PRORP: variants seen among roughly 807,000 people sequenced by gnomAD.
The protein encoded by PRORP is protein only RNase P catalytic subunit.
A neutral mutation model predicts 59.4 loss-of-function variants in PRORP; 51 were observed. The ratio of observed to expected loss-of-function variants is 0.86; its 90% CI spans 0.69 to 1.08. PRORP has a LOEUF of 1.08. PRORP is among the 50% of genes least tolerant of loss of function. The pLI is 0.00. For missense variants in PRORP, 646 were observed against 690.3 expected, an observed-to-expected ratio of 0.94 and a Z score of 0.72; for synonymous variants, 231 against 245.6, an observed-to-expected ratio of 0.94 and a Z score of 0.55.
intron 4 of PRORP, among the ~76,000 whole-genome samples, chr14:35,137,148 TAAG>T (rs2047393756): frequency 6.9e-6 from 1 of 145,738 alleles, no homozygotes; most frequent in Admixed American, 7.1e-5. Context: ...ACTCTAATTT[TAAG>T]AAGTTTACAT....
chr14:35,188,568 G>T (rs1369874177), intron 5 of PRORP, among the ~76,000 whole-genome samples: 1 of 151,646 alleles, frequency 6.6e-6, no homozygotes, highest in African/African-American at 2.4e-5. Context: ...CCCAGGCTTT[G>T]GATTCTCTTT....
intron 4 of PRORP, among the ~76,000 whole-genome samples, chr14:35,138,399 A>G (rs1285454191): frequency 6.9e-6 from 1 of 145,908 alleles, no homozygotes; most frequent in African/African-American, 2.4e-5. Context: ...ACTATATTAT[A>G]TTCAGCATTT....
chr14:35,164,902 A>C (rs1483242155), intron 4 of PRORP, among the ~76,000 whole-genome samples: 1 of 152,154 alleles, frequency 6.6e-6, no homozygotes, highest in Non-Finnish European at 1.5e-5. Context: ...GGGAGACCAC[A>C]TCAAAGAAAG....
In PRORP at chr14:35,152,650, C is replaced by G. The variant is rs1221998516; in HGVS notation, c.1167+25039C>G. On this transcript the variant is annotated intron_variant, in intron 4 of 7. Coordinates refer to ENST00000534898, the MANE Select transcript of PRORP (RefSeq NM_014672.4). ...CCTCCCAGACAGGGCGGCTGCCTGG[C>G]GGAGACGCTCCTCACTTCCCAGACG... is the stretch of plus-strand genomic sequence containing the variant. Among the ~76,000 whole-genome samples the G allele has an allele frequency of 2.6e-5, 4 of 151,626 alleles. No homozygotes were observed. The East Asian group carries it at 7.8e-4, about 30-fold the overall frequency.
chr14:35,186,035 T>C (rs1312603755), intron 5 of PRORP, among the ~76,000 whole-genome samples: 1 of 152,176 alleles, frequency 6.6e-6, no homozygotes, highest in East Asian at 1.9e-4. Context: ...GAAGTATGAT[T>C]ACAAGATGTG....
intron 5 of PRORP, among the ~76,000 whole-genome samples, chr14:35,200,176 A>G (rs567311139): frequency 1.3e-5 from 2 of 151,110 alleles, no homozygotes; most frequent in South Asian, 2.1e-4. Flanking sequence ...TTAAGTATGC[A>G]AAATTTTTTG....
chr14:35,183,328 G>C (rs1410334435), intron 5 of PRORP, among the ~76,000 whole-genome samples: 1 of 151,974 alleles, frequency 6.6e-6, no homozygotes, highest in East Asian at 1.9e-4. Context: ...TCTGGTTTTT[G>C]TTCACGTTTT....
At chr14:35,174,616 G>A (rs1209154857) in intron 4 of PRORP, among the ~76,000 whole-genome samples, 2 of 152,078 alleles carry the variant, frequency 1.3e-5, no homozygotes, top group African/African-American at 4.8e-5. Context: ...AATGACAAAA[G>A]AGGACCTATA....
At chr14:35,225,051 T>C (rs1034444320) in intron 5 of PRORP, among the ~76,000 whole-genome samples, 55 of 152,236 alleles carry the variant, frequency 3.6e-4, no homozygotes, top group African/African-American at 1.3e-3. Flanking sequence ...TTCTCTTCCA[T>C]GTAAGTGTTG....
intron 5 of PRORP, among the ~76,000 whole-genome samples, chr14:35,190,898 T>G (rs1176611256): frequency 4.6e-5 from 7 of 152,236 alleles, no homozygotes; most frequent in Non-Finnish European, 1.0e-4. Flanking sequence ...CATAATCTGT[T>G]GCAAGATATT....
chr14:35,132,326 C>A (rs1414720076), intron 4 of PRORP, among the ~76,000 whole-genome samples: 1 of 149,666 alleles, frequency 6.7e-6, no homozygotes, highest in Non-Finnish European at 1.5e-5. Context: ...GGCGTGGTGG[C>A]GGGCCTCTGT....
At chr14:35,133,507 C>T (rs1213516586) in intron 4 of PRORP, among the ~76,000 whole-genome samples, 1 of 152,104 alleles carries the variant, frequency 6.6e-6, no homozygotes, top group Non-Finnish European at 1.5e-5. Flanking sequence ...AGTATTGTTC[C>T]CTGCTGCCTT....
chr14:35,173,761 A>G (rs1409530370), intron 4 of PRORP, among the ~76,000 whole-genome samples: 1 of 151,958 alleles, frequency 6.6e-6, no homozygotes, highest in Non-Finnish European at 1.5e-5. Context: ...AAAAAACGCA[A>G]TCATTTATTA....
At position 35,248,792 on chromosome 14, in the gene PRORP, C is replaced by T. The variant is rs150401027; in HGVS notation, c.1276-17935C>T. Among the ~76,000 whole-genome samples, 108 of 152,288 alleles carry T rather than the reference C, an allele frequency of 7.1e-4. 1 individual carries two copies. The East Asian group carries it at 0.015, about 21-fold the overall frequency. The stretch of plus-strand genomic sequence containing the variant: ...ACTCTATGTCTGGGACAGGGATTCT[C>T]GTCCCAAAACTTAGCTCAAGAGAAA... On this transcript the variant is annotated intron_variant, in intron 5 of 7. Transcript: ENST00000534898.
intron 5 of PRORP, among the ~76,000 whole-genome samples, chr14:35,211,732 T>C (rs771462930): frequency 1.3e-4 from 20 of 152,212 alleles, no homozygotes; most frequent in Non-Finnish European, 1.9e-4. Context: ...CCTAATATTT[T>C]TTTCTTGGAG....
At chr14:35,158,375 C>G in intron 4 of PRORP, 1 of 306,524 alleles carries the variant, frequency 3.3e-6, no homozygotes, top group East Asian at 8.2e-5. Flanking sequence ...ACCAACACCC[C>G]AAGGATACTG....
Position 35,248,706 on chromosome 14 carries a change from G to A in PRORP, c.1276-18021G>A, listed in dbSNP as rs115114303. Among the ~76,000 whole-genome samples, 409 of 152,336 alleles carry A rather than the reference G, an allele frequency of 2.7e-3. 2 individuals are homozygous for A. Among genetic ancestry groups the A allele is most frequent in the African/African-American group, 9.2e-3 (384 of 41,584 alleles). ...GTTTCCTGCACTCTCCACCTTGGTG[G>A]CATTTTCAGAGGTACACAGAAAAAT... is the stretch of plus-strand genomic sequence containing the variant. On this transcript the variant is annotated intron_variant, in intron 5 of 7. Coordinates refer to ENST00000534898, the MANE Select transcript of PRORP (RefSeq NM_014672.4).
At chr14:35,263,563 C>T (rs1464764252) in intron 5 of PRORP, among the ~76,000 whole-genome samples, 1 of 152,044 alleles carries the variant, frequency 6.6e-6, no homozygotes, top group Non-Finnish European at 1.5e-5. Flanking sequence ...TGGCAGGTGC[C>T]TGTAATCCAA....
chr14:35,123,556 C>T lies in PRORP; in HGVS notation c.311C>T (p.Ala104Val), dbSNP rs371691966. The stretch of plus-strand genomic sequence containing the variant: ...ATGAATTCTCAAACTGAAGATCATG[C>T]CTTGGCACCTGTGAGGAACACTATT... ...SQMNSQTEDH[A>V]LAPVRNTIQL... Residue 104 changes from alanine (A) to valine (V), a missense_variant, in exon 2 of 8, where the codon GCC (alanine) becomes GTC (valine). Transcript: ENST00000534898. 60 of 1,613,986 alleles carry T rather than the reference C, an allele frequency of 3.7e-5. No individual in the cohort carries two copies. Among genetic ancestry groups the T allele is most frequent in the Middle Eastern group, 1.6e-4 (1 of 6,084 alleles).
Sources: allele counts gnomAD v4.1 joint callset (sites outside exome capture counted in the v4.1 genomes callset), GRCh38; gene constraint gnomAD v4.1.1; transcripts MANE v1.5; gene names NCBI Gene and HGNC (gene_info 2026-07-23, HGNC 2026-07-21).